The following ADAMTS9 variants were observed in gnomAD, a reference collection of about 807,000 sequenced individuals.
ADAMTS9 encodes ADAM metallopeptidase with thrombospondin type 1 motif 9.
A neutral mutation model predicts 257.1 loss-of-function variants in ADAMTS9; 107 were observed. The ratio of observed to expected loss-of-function variants is 0.42; its 90% confidence interval spans 0.36 to 0.49. The LOEUF is 0.49. Ranked by LOEUF, ADAMTS9 falls within the 20% of genes least tolerant of loss-of-function variation. The pLI is 0.03. For missense variants in ADAMTS9, 2,353 were observed against 2,469.1 expected (o/e 0.95, Z 1.00); for synonymous variants, 982 against 880.9 (o/e 1.11, Z -2.03).
At chr3:64,643,932 C>G (rs1700723810) in intron 11 of ADAMTS9, among the ~76,000 whole-genome samples, 1 of 152,102 alleles carries the variant, frequency 6.6e-6, no homozygotes, top group Non-Finnish European at 1.5e-5. Context: ...CAAAACTTAA[C>G]AAAATACAAC....
chr3:64,568,440 C>A lies in ADAMTS9; in HGVS notation c.4452G>T (p.Leu1484=). 1 of 1,614,038 alleles carries A rather than the reference C, an allele frequency of 6.2e-7. No homozygotes were observed. Among genetic ancestry groups the A allele is most frequent in the Non-Finnish European group, 8.5e-7 (1 of 1,179,974 alleles). ...SHLESDYCKH[L]AKPHGHRKCR... is the part of the protein sequence containing the mutation. ...ACTTTCTGTGCCCATGTGGCTTAGC[C>A]AGGTGCTTACAGTAATCACTTTCTA... is the stretch of plus-strand genomic sequence containing the variant. The change falls in exon 29 of 40, where the codon CTG becomes CTT. Residue 1484 remains leucine (L), a synonymous_variant. Transcript: ENST00000498707.
chr3:64,532,781 T>C (rs893615631), intron 38 of ADAMTS9, among the ~76,000 whole-genome samples: 3 of 152,198 alleles, frequency 2.0e-5, no homozygotes, highest in African/African-American at 7.2e-5. Flanking sequence ...TCAATTTTTC[T>C]AAATAAAAAG....
intron 31 of ADAMTS9, among the ~76,000 whole-genome samples, chr3:64,548,989 C>T (rs182295010): frequency 4.9e-4 from 75 of 152,316 alleles, no homozygotes; most frequent in East Asian, 2.1e-3. Flanking sequence ...CTCGGGCCTC[C>T]GCCAATTCAG....
intron 32 of ADAMTS9, among the ~76,000 whole-genome samples, chr3:64,546,193 G>A (rs979163525): frequency 1.3e-5 from 2 of 151,792 alleles, no homozygotes; most frequent in Non-Finnish European, 2.9e-5. Context: ...TATAGGCTGA[G>A]TATCCCTTAT....
At chr3:64,640,411 C>T (rs1222631835) in intron 12 of ADAMTS9, among the ~76,000 whole-genome samples, 1 of 152,188 alleles carries the variant, frequency 6.6e-6, no homozygotes, top group African/African-American at 2.4e-5. Flanking sequence ...ATCAGCCAGA[C>T]CTGAGTAGTG....
At chr3:64,665,518 T>C (rs1214330542) in intron 3 of ADAMTS9, among the ~76,000 whole-genome samples, 1 of 152,210 alleles carries the variant, frequency 6.6e-6, no homozygotes, top group Admixed American at 6.5e-5. Context: ...TGAATAAATA[T>C]CATTATCATA....
chr3:64,525,846 A>G lies in ADAMTS9; in HGVS notation c.5719-3586T>C, dbSNP rs118178081. Among the ~76,000 whole-genome samples the G allele has an allele frequency of 9.9e-3, 1,507 of 151,476 alleles. 51 individuals are homozygous for G. Among genetic ancestry groups the G allele is most frequent in the East Asian group, 0.077 (396 of 5,154 alleles). On this transcript the variant is annotated intron_variant, in intron 38 of 39. Coordinates refer to ENST00000498707, the MANE Select transcript of ADAMTS9 (RefSeq NM_182920.2). ...GACTGGTCTCGAACTCCTGACCTCAACCGATCTGCTGAGATTACAGGCGTA... is the reference window on the plus strand; with the variant it reads ...GACTGGTCTCGAACTCCTGACCTCAGCCGATCTGCTGAGATTACAGGCGTA...
Position 64,541,325 on chromosome 3 carries a change from C to G in ADAMTS9, c.5382G>C (p.Gly1794=). 1 of 1,614,172 alleles carries G rather than the reference C, an allele frequency of 6.2e-7. No individual in the cohort carries two copies. The highest frequency in any genetic ancestry group is 8.5e-7 in the Non-Finnish European group (1 of 1,180,010). ...TCTGAGCCTGGCTCTCCTACCTGTG[C>G]CCATAAACCTCGGAGAAATTCTCAG... The part of the protein sequence containing the change: ...GDSENFSEVY[G]HRLHNPTECP... The change falls in exon 35 of 40, where the codon GGG becomes GGC. Residue 1794 remains glycine (G), a synonymous_variant. Coordinates refer to ENST00000498707, the MANE Select transcript of ADAMTS9 (RefSeq NM_182920.2).
At chr3:64,517,919 G>A (rs1575969273) in intron 39 of ADAMTS9, among the ~76,000 whole-genome samples, 1 of 152,078 alleles carries the variant, frequency 6.6e-6, no homozygotes, top group Non-Finnish European at 1.5e-5. Flanking sequence ...TCTTCCAACT[G>A]AAGCTGTCAA....
intron 11 of ADAMTS9, among the ~76,000 whole-genome samples, chr3:64,644,700 G>T (rs1700741317): frequency 6.6e-6 from 1 of 152,154 alleles, no homozygotes. Context: ...ACAAAATTAA[G>T]GAGTTTTCTG....
At chr3:64,566,776 T>C (rs374619887) in intron 29 of ADAMTS9, among the ~76,000 whole-genome samples, 1 of 150,198 alleles carries the variant, frequency 6.7e-6, no homozygotes, top group Non-Finnish European at 1.5e-5. Context: ...AAGTAACAGA[T>C]CATGAAAGTC....
chr3:64,629,888 T>C (rs1700326312), intron 16 of ADAMTS9, among the ~76,000 whole-genome samples: 1 of 152,226 alleles, frequency 6.6e-6, no homozygotes, highest in African/African-American at 2.4e-5. Flanking sequence ...TCACTGTCTA[T>C]CTATGCAGCT....
intron 26 of ADAMTS9, among the ~76,000 whole-genome samples, chr3:64,597,230 C>T (rs1161638480): frequency 1.3e-5 from 2 of 152,186 alleles, no homozygotes; most frequent in Non-Finnish European, 2.9e-5. Flanking sequence ...GCCTCAGGCC[C>T]TCTACAGGGG....
At chr3:64,569,103 T>C (rs991184284) in intron 28 of ADAMTS9, 2 of 153,352 alleles carry the variant, frequency 1.3e-5, no homozygotes, top group African/African-American at 4.8e-5. Flanking sequence ...GAGGGAGGCA[T>C]TACCTTTCAA....
intron 28 of ADAMTS9, among the ~76,000 whole-genome samples, chr3:64,593,295 C>T (rs2084295924): frequency 6.6e-6 from 1 of 152,204 alleles, no homozygotes; most frequent in Non-Finnish European, 1.5e-5. Flanking sequence ...CATGTCACTT[C>T]ACTTAATCTG....
chr3:64,631,502 A>G lies in ADAMTS9; in HGVS notation c.2342T>C (p.Val781Ala). 6.2e-7 allele frequency: 1 copy of G among 1,614,138 alleles called. No individual in the cohort carries two copies. The highest frequency in any genetic ancestry group is 8.5e-7 in the Non-Finnish European group (1 of 1,179,962). ...RIPAGATNID[V>A]RQHSFSGETD... The stretch of plus-strand genomic sequence containing the variant: ...TTCCCCTGAGAAACTGTGCTGCCGC[A>G]CATCAATATTGGTAGCACCAGCTGG... The change falls in exon 16 of 40, where the codon GTG becomes GCG. Residue 781 changes from valine (V) to alanine (A), a missense_variant. Val to Ala is a moderately conservative substitution (Grantham distance 64). Coordinates refer to ENST00000498707, the MANE Select transcript of ADAMTS9 (RefSeq NM_182920.2).
intron 29 of ADAMTS9, among the ~76,000 whole-genome samples, chr3:64,564,129 C>G (rs745363894): frequency 6.6e-6 from 1 of 152,166 alleles, no homozygotes; most frequent in Non-Finnish European, 1.5e-5. Flanking sequence ...ATCTGAATGG[C>G]CTCTATTAAT....
intron 16 of ADAMTS9, among the ~76,000 whole-genome samples, chr3:64,627,408 C>T (rs540112970): frequency 6.6e-6 from 1 of 152,178 alleles, no homozygotes; most frequent in East Asian, 1.9e-4. Context: ...CCTATTTTAT[C>T]TTGCACTGCA....
intron 8 of ADAMTS9, among the ~76,000 whole-genome samples, 200 bp downstream of exon 8, chr3:64,654,153 G>A (rs1700999605): frequency 6.6e-6 from 1 of 152,206 alleles, no homozygotes; most frequent in Non-Finnish European, 1.5e-5. Context: ...TATGACTAAA[G>A]AGAGTGCACT....
Sources: allele counts gnomAD v4.1 joint callset (sites outside exome capture counted in the v4.1 genomes callset), GRCh38; gene constraint gnomAD v4.1.1; transcripts MANE v1.5; gene names NCBI Gene and HGNC (gene_info 2026-07-23, HGNC 2026-07-21).